The following TPST2 variants were observed in gnomAD, a reference collection of about 807,000 sequenced individuals.
TPST2 encodes the protein tyrosylprotein sulfotransferase 2.
Under a neutral mutation model 27.8 loss-of-function variants are expected in TPST2, and 16 were observed. That is an observed-to-expected ratio of 0.58 (90% CI 0.39 to 0.88). The LOEUF (loss-of-function observed/expected upper bound fraction) is 0.88, where lower values mean the gene tolerates loss of function less well. TPST2 is among the 40% of genes least tolerant of loss of function. TPST2 has a pLI of 0.00. For synonymous variants in TPST2, 229 were observed against 231.7 expected, an observed-to-expected ratio of 0.99 and a Z score of 0.10; for missense variants, 464 against 543.1, an observed-to-expected ratio of 0.85 and a Z score of 1.45.
chr22:26,560,793 A>G (rs1927047102), intron 1 of TPST2: 6 of 1,344,674 alleles, frequency 4.5e-6, no homozygotes, highest in Non-Finnish European at 6.4e-6. Context: ...AAAGAAGTTC[A>G]AGGATCCGAA....
intron 1 of TPST2, among the ~76,000 whole-genome samples, chr22:26,587,226 C>T (rs1285300883): frequency 6.6e-6 from 1 of 152,178 alleles, no homozygotes; most frequent in Non-Finnish European, 1.5e-5. Flanking sequence ...GGGCTCCAGG[C>T]TGGCCCGGGA....
At chr22:26,544,155 C>T (rs1926000755) in intron 2 of TPST2, among the ~76,000 whole-genome samples, 1 of 152,172 alleles carries the variant, frequency 6.6e-6, no homozygotes, top group Non-Finnish European at 1.5e-5. Flanking sequence ...CTTCTACTTT[C>T]TTCTCCAAAA....
At chr22:26,542,001 T>C (rs972145423) in intron 2 of TPST2, among the ~76,000 whole-genome samples, 2 of 152,060 alleles carry the variant, frequency 1.3e-5, no homozygotes, top group Non-Finnish European at 2.9e-5. Context: ...ATTACAGGCA[T>C]GAGCCACCCG....
At chr22:26,583,032 AG>A (rs931882948) in intron 1 of TPST2, among the ~76,000 whole-genome samples, 1 of 149,912 alleles carries the variant, frequency 6.7e-6, no homozygotes, top group African/African-American at 2.5e-5. Flanking sequence ...GGATCGCTTG[AG>A]CCTGGGAGGC....
intron 1 of TPST2, among the ~76,000 whole-genome samples, chr22:26,566,349 G>A (rs923663365): frequency 1.3e-5 from 2 of 152,066 alleles, no homozygotes; most frequent in Non-Finnish European, 2.9e-5. Context: ...TCAAGAGATC[G>A]AGACCATCCT....
In TPST2 at chr22:26,530,065, C is replaced by T. The variant is rs544974829; in HGVS notation, c.1093-1803G>A. On this transcript the variant is annotated intron_variant, in intron 5 of 6. Transcript: ENST00000338754. ...AAAAGATGATGTAGGCAGAACAACA[C>T]AGTGGGGATGAGGAGAATTATCCAC... Among the ~76,000 whole-genome samples, 75 of 152,280 alleles carry T rather than the reference C, an allele frequency of 4.9e-4. 2 individuals carry two copies. Among genetic ancestry groups the T allele is most frequent in the Middle Eastern group, 3.4e-3 (1 of 294 alleles).
chr22:26,575,975 G>C (rs1027229871), intron 1 of TPST2, among the ~76,000 whole-genome samples: 1 of 151,834 alleles, frequency 6.6e-6, no homozygotes, highest in Non-Finnish European at 1.5e-5. Flanking sequence ...CAGCCTGGGT[G>C]ACAGAGCGAG....
intron 3 of TPST2, 34 bp from the exon 4 acceptor site, chr22:26,536,520 C>T: frequency 6.1e-6 from 9 of 1,471,174 alleles, no homozygotes; most frequent in Non-Finnish European, 8.1e-6. Context: ...GAGGGTAGGG[C>T]AGACCCAGAT....
intron 1 of TPST2, among the ~76,000 whole-genome samples, chr22:26,563,119 T>A (rs1420004362): frequency 2.0e-5 from 3 of 152,188 alleles, no homozygotes. Flanking sequence ...CTGGGTTCAC[T>A]GAACACGAGG....
rs551398771 is a variant in TPST2, at chr22:26,522,021, A to C, written c.*4254T>G. 1 of 152,174 alleles carries C rather than the reference A, an allele frequency of 6.6e-6. No homozygotes were observed. Among genetic ancestry groups the C allele is most frequent in the Non-Finnish European group, 1.5e-5 (1 of 68,032 alleles). The allele number at this position is 152,174 out of a possible 1,614,324, so 9.4% of individuals were successfully genotyped here. A position where few individuals can be genotyped will look rare whatever the true frequency, so the allele number is the denominator to read the frequency against. ...TTGGTTCATCACAACCTTTTATTTC[A>C]CAATATTAATAGTAATCATTATAGC... On this transcript the variant is annotated 3_prime_UTR_variant, in exon 7 of 7. Coordinates refer to ENST00000338754, the MANE Select transcript of TPST2 (RefSeq NM_003595.5).
chr22:26,585,419 A>G (rs1032133661), intron 1 of TPST2, among the ~76,000 whole-genome samples: 7 of 152,132 alleles, frequency 4.6e-5, no homozygotes, highest in African/African-American at 1.7e-4. Flanking sequence ...TGAATGAATC[A>G]TTCCCACAAA....
intron 1 of TPST2, among the ~76,000 whole-genome samples, chr22:26,567,325 T>A (rs1483084663): frequency 6.6e-6 from 1 of 152,166 alleles, no homozygotes; most frequent in Non-Finnish European, 1.5e-5. Context: ...CCTCCAAGGG[T>A]AGGAAATGGG....
chr22:26,539,828 G>C (rs1925694470), intron 3 of TPST2, among the ~76,000 whole-genome samples: 1 of 152,136 alleles, frequency 6.6e-6, no homozygotes, highest in Non-Finnish European at 1.5e-5. Flanking sequence ...TCCAATCCCA[G>C]CACCATGCTT....
chr22:26,536,550 T>C, intron 3 of TPST2, 64 bp from the exon 4 acceptor site: 1 of 1,366,074 alleles, frequency 7.3e-7, no homozygotes, highest in South Asian at 1.9e-5. Flanking sequence ...GCGGATTCCC[T>C]GCTCAGCCAC....
intron 1 of TPST2, among the ~76,000 whole-genome samples, chr22:26,557,922 C>T (rs1466705818): frequency 6.6e-6 from 1 of 150,640 alleles, no homozygotes; most frequent in Non-Finnish European, 1.5e-5. Context: ...TGGCATGCTC[C>T]TGTAGTCCCA....
intron 4 of TPST2, among the ~76,000 whole-genome samples, chr22:26,533,008 A>G (rs747165692): frequency 6.6e-6 from 1 of 152,176 alleles, no homozygotes; most frequent in Non-Finnish European, 1.5e-5. Context: ...TACAAGAAAA[A>G]TAAACACAGA....
intron 2 of TPST2, among the ~76,000 whole-genome samples, chr22:26,542,184 G>A (rs960503555): frequency 1.5e-4 from 22 of 151,124 alleles, no homozygotes; most frequent in African/African-American, 5.3e-4. Flanking sequence ...AGAGCTTGCA[G>A]TGAGCCTAGA....
chr22:26,541,924 G>A lies in TPST2; in HGVS notation c.-88-206C>T, dbSNP rs952640259. 6.6e-6 allele frequency among the ~76,000 whole-genome samples: 1 copy of A among 152,216 alleles called. No homozygotes were observed. The highest frequency in any genetic ancestry group is 1.9e-4 in the East Asian group (1 of 5,190). ...TTTTAAAGAGATGGGGTCTCACCAT[G>A]TTTCCCAGGCTGCTCTTGAACTCGT... is the stretch of plus-strand genomic sequence containing the variant. On this transcript the variant is annotated intron_variant, in intron 2 of 6. Transcript: ENST00000338754. This position sits in a 1 kb window ranked among gnomAD's most constrained non-coding sequence, Gnocchi z 5.9.
At position 26,528,281 on chromosome 22, in the gene TPST2, CAGA is replaced by C. The variant is rs757545578; in HGVS notation, c.1093-22_1093-20del. On this transcript the variant is annotated intron_variant, in intron 5 of 6. Coordinates refer to ENST00000338754, the MANE Select transcript of TPST2 (RefSeq NM_003595.5). Reference sequence around the variant, plus strand: ...GGTTCACCTGGAGAAAGACAATACACAGAAGAAGGGGTCACGGCCAGGTGAGGG... The same window carrying C: ...GGTTCACCTGGAGAAAGACAATACACAGAAGGGGTCACGGCCAGGTGAGGG... The C allele has an allele frequency of 6.1e-5, 95 of 1,558,834 alleles. No homozygotes were observed. The highest frequency in any genetic ancestry group is 7.8e-5 in the Non-Finnish European group (90 of 1,150,110).
Sources: gnomAD v4.1 joint callset for allele counts (sites outside exome capture counted in the v4.1 genomes callset) on GRCh38, gnomAD v4.1.1 for gene constraint, Gnocchi (gnomAD v3.1) non-coding constraint, MANE v1.5 for transcripts, NCBI Gene and HGNC (gene_info 2026-07-23, HGNC 2026-07-21) for gene names.